Variants in WASHC5 observed in about 807,000 individuals in gnomAD.
WASHC5 encodes WASH complex subunit strumpellin.
WASHC5 carries 101 observed loss-of-function variants against 150.4 expected under a neutral mutation model. The observed-to-expected ratio is 0.67, with a 90% confidence interval of 0.57 to 0.79. WASHC5 has a LOEUF of 0.79. Among genes scored for constraint, WASHC5 ranks in the 30% least tolerant of loss-of-function variants. The pLI is 0.00. For synonymous variants in WASHC5, 467 were observed against 491.2 expected, an observed-to-expected ratio of 0.95 and a Z score of 0.65; for missense variants, 1,195 against 1,396.3, an observed-to-expected ratio of 0.86 and a Z score of 2.30.
intron 9 of WASHC5, among the ~76,000 whole-genome samples, chr8:125,070,044 C>T (rs1816855209): frequency 6.6e-6 from 1 of 152,214 alleles, no homozygotes; most frequent in Non-Finnish European, 1.5e-5. Context: ...TCTCTCAGAT[C>T]TGACCCTTAA....
At chr8:125,080,739 G>A (rs1436175311) in intron 5 of WASHC5, among the ~76,000 whole-genome samples, 1 of 152,172 alleles carries the variant, frequency 6.6e-6, no homozygotes, top group African/African-American at 2.4e-5. Flanking sequence ...AGTTGGTTAA[G>A]GTGGCTCCTG....
chr8:125,048,367 T>TA (rs1317874501), intron 19 of WASHC5, among the ~76,000 whole-genome samples: 1 of 152,242 alleles, frequency 6.6e-6, no homozygotes, highest in Non-Finnish European at 1.5e-5. Flanking sequence ...ATTCTTTTTT[T>TA]ACCCAATTAA....
At chr8:125,028,898 G>A (rs1274819743) in intron 27 of WASHC5, among the ~76,000 whole-genome samples, 191 bp from the exon 28 acceptor site, 1 of 152,120 alleles carries the variant, frequency 6.6e-6, no homozygotes, top group Non-Finnish European at 1.5e-5. Context: ...CACCCCATAG[G>A]GTAAATGTGA....
chr8:125,062,820 T>TA (rs1264698308), intron 11 of WASHC5, among the ~76,000 whole-genome samples: 1 of 152,128 alleles, frequency 6.6e-6, no homozygotes, highest in African/African-American at 2.4e-5. Flanking sequence ...AATTAAGCGT[T>TA]AAAAAAATAG....
intron 26 of WASHC5, among the ~76,000 whole-genome samples, chr8:125,034,380 C>G (rs980176305): frequency 4.8e-4 from 73 of 152,054 alleles, no homozygotes; most frequent in African/African-American, 1.8e-3. Context: ...ATGCTTGTAG[C>G]CTGTAATTCC....
chr8:125,064,388 T>TA (rs1021284522), intron 10 of WASHC5, among the ~76,000 whole-genome samples: 1 of 140,988 alleles, frequency 7.1e-6, no homozygotes, highest in East Asian at 1.9e-4. Context: ...TTTATTTATT[T>TA]TTTTTTTTTT....
Position 125,055,799 on chromosome 8 carries a change from T to C in WASHC5, c.2017-128A>G, listed in dbSNP as rs2130080700. The C allele has an allele frequency of 4.1e-6, 3 of 724,146 alleles. No homozygotes were observed. In the East Asian group the frequency reaches 7.6e-5, roughly 18 times the overall value. The allele number at this position is 724,146 out of a possible 1,614,324, so 44.9% of individuals were successfully genotyped here. Reference sequence around the variant, plus strand: ...CATATTCTGGACAGAAATGAGGCTCTGTGGTACAACTGAAAGCCCACTGTT... The same window carrying C: ...CATATTCTGGACAGAAATGAGGCTCCGTGGTACAACTGAAAGCCCACTGTT... On this transcript the variant is annotated intron_variant, in intron 16 of 28. Coordinates refer to ENST00000318410, the MANE Select transcript of WASHC5 (RefSeq NM_014846.4).
intron 1 of WASHC5, among the ~76,000 whole-genome samples, chr8:125,088,946 G>A (rs1419898951): frequency 6.6e-6 from 1 of 152,182 alleles, no homozygotes; most frequent in Non-Finnish European, 1.5e-5. Flanking sequence ...CTGGAGCAGA[G>A]TCAGCTAGGG....
At chr8:125,079,389 C>T (rs1032743188) in intron 5 of WASHC5, among the ~76,000 whole-genome samples, 4 of 151,446 alleles carry the variant, frequency 2.6e-5, no homozygotes, top group African/African-American at 9.7e-5. Context: ...GGGGTTTCAC[C>T]ATGCTGGCCC....
chr8:125,082,885 C>A, intron 3 of WASHC5: 1 of 436,126 alleles, frequency 2.3e-6, no homozygotes, highest in Non-Finnish European at 4.1e-6. Context: ...AACTATATGA[C>A]TTAGTTAAAC....
intron 20 of WASHC5, among the ~76,000 whole-genome samples, 170 bp downstream of exon 20, chr8:125,047,037 C>T (rs751729580): frequency 1.3e-4 from 20 of 152,106 alleles, no homozygotes; most frequent in Non-Finnish European, 2.2e-4. Context: ...AGTGACAGAC[C>T]GGTATCAGTC....
At position 125,055,769 on chromosome 8, in the gene WASHC5, G is replaced by A. The variant is rs2303528; in HGVS notation, c.2017-98C>T. ...GAACTTGTAGCTTTAGGACACCTGT[G>A]TCCACATATTCTGGACAGAAATGAG... On this transcript the variant is annotated intron_variant, in intron 16 of 28. Transcript: ENST00000318410. 49,731 of 806,758 alleles carry A rather than the reference G, an allele frequency of 0.062. 4,271 individuals are homozygous for A. Among genetic ancestry groups the A allele is most frequent in the African/African-American group, 0.31 (18,168 of 59,482 alleles). The allele number at this position is 806,758 out of a possible 1,614,324, so 50.0% of individuals were successfully genotyped here.
chr8:125,078,941 T>C lies in WASHC5; in HGVS notation c.519-11A>G. On this transcript the variant is annotated splice_polypyrimidine_tract_variant and intron_variant, in intron 5 of 28. Transcript: ENST00000318410. ...GAAGATCGAGCAGCACTGAGTCATATTCACAATGGGAAACAAAGACCCAAA... is the reference window on the plus strand; with the variant it reads ...GAAGATCGAGCAGCACTGAGTCATACTCACAATGGGAAACAAAGACCCAAA... The C allele has an allele frequency of 6.2e-7, 1 of 1,609,754 alleles. No homozygotes were observed. The highest frequency in any genetic ancestry group is 8.5e-7 in the Non-Finnish European group (1 of 1,176,296).
chr8:125,058,696 C>G (rs1232488083), intron 14 of WASHC5, among the ~76,000 whole-genome samples: 1 of 151,622 alleles, frequency 6.6e-6, no homozygotes, highest in Admixed American at 6.6e-5. Context: ...GCACTCCAGC[C>G]TGGGAAACAA....
chr8:125,086,330 G>C (rs1817421189), intron 1 of WASHC5, among the ~76,000 whole-genome samples: 1 of 152,042 alleles, frequency 6.6e-6, no homozygotes, highest in East Asian at 1.9e-4. Flanking sequence ...ATAGAGATGG[G>C]AGTCTCACTA....
At chr8:125,089,228 T>A (rs1002090313) in intron 1 of WASHC5, among the ~76,000 whole-genome samples, 1 of 152,046 alleles carries the variant, frequency 6.6e-6, no homozygotes, top group African/African-American at 2.4e-5. Flanking sequence ...GGCAAAACAG[T>A]CACATACTAA....
At chr8:125,085,919 A>G (rs1817406264) in intron 1 of WASHC5, among the ~76,000 whole-genome samples, 1 of 152,130 alleles carries the variant, frequency 6.6e-6, no homozygotes, top group Non-Finnish European at 1.5e-5. Flanking sequence ...CTTCTTGTTC[A>G]GGCCTGTGTG....
At chr8:125,081,426 C>T (rs1366409623) in intron 5 of WASHC5, among the ~76,000 whole-genome samples, 2 of 151,996 alleles carry the variant, frequency 1.3e-5, no homozygotes, top group Admixed American at 1.3e-4. Context: ...TTAGTAGAGA[C>T]AGGGTTTCAC....
rs760999456 is a variant in WASHC5 at position 125,039,791 on chromosome 8, T to G, written c.2954+4A>C. ...GGATGGCTGTTTCAAACCCTGGCAC[T>G]TACTTATTGAGATTCTCCAGAGCAG... On this transcript the variant is annotated splice_donor_region_variant and intron_variant, in intron 24 of 28. Coordinates refer to ENST00000318410, the MANE Select transcript of WASHC5 (RefSeq NM_014846.4). 11 of 1,600,774 alleles carry G rather than the reference T, an allele frequency of 6.9e-6. No individual in the cohort carries two copies. The highest frequency in any genetic ancestry group is 4.4e-5 in the South Asian group (4 of 90,820).
Sources: allele counts gnomAD v4.1 joint callset (sites outside exome capture counted in the v4.1 genomes callset), GRCh38; gene constraint gnomAD v4.1.1; transcripts MANE v1.5; gene names NCBI Gene and HGNC (gene_info 2026-07-23, HGNC 2026-07-21).